EPHB2: variants seen among roughly 807,000 people sequenced by gnomAD.
EPHB2 encodes the protein EPH receptor B2.
EPHB2 carries 18 observed loss-of-function variants against 96.4 expected under a neutral mutation model. The ratio of observed to expected loss-of-function variants is 0.19; its 90% confidence interval spans 0.13 to 0.28. EPHB2 has a LOEUF of 0.28. EPHB2 is among the 10% of genes least tolerant of loss of function. EPHB2 has a pLI of 1.00. For missense variants in EPHB2, 989 were observed against 1,355.4 expected, an observed-to-expected ratio of 0.73 and a Z score of 4.25; for synonymous variants, 506 against 534.1, an observed-to-expected ratio of 0.95 and a Z score of 0.72.
chr1:22,716,028 C>T (rs918742606), intron 1 of EPHB2, among the ~76,000 whole-genome samples: 1 of 152,204 alleles, frequency 6.6e-6, no homozygotes, highest in African/African-American at 2.4e-5. Flanking sequence ...CCAGATCAGC[C>T]TTCAGTGTCT....
chr1:22,913,541 A>T lies in EPHB2; in HGVS notation c.2932A>T (p.Met978Leu), dbSNP rs1640178350. ...CAGTATCCAGGTGATGCGGGCGCAG[A>T]TGAACCAGATTCAGTCTGTGGAGGT... is the stretch of plus-strand genomic sequence containing the variant. ...LNSIQVMRAQMNQIQSVEV is the reference protein window; with the variant it reads ...LNSIQVMRAQLNQIQSVEV The change falls in exon 16 of 16, where the codon ATG (methionine) becomes TTG (leucine). Residue 978 changes from methionine (M) to leucine (L), a missense_variant. By Grantham distance (15) the Met-to-Leu change is conservative. Transcript: ENST00000374630. The surrounding 1 kb of genome is among the most constrained non-coding windows in gnomAD (Gnocchi z 4.1). The T allele has an allele frequency of 2.5e-6, 4 of 1,614,228 alleles. No homozygotes were observed. Among genetic ancestry groups the T allele is most frequent in the Non-Finnish European group, 3.4e-6 (4 of 1,180,044 alleles).
intron 3 of EPHB2, among the ~76,000 whole-genome samples, chr1:22,843,874 A>G (rs576679066): frequency 2.0e-5 from 3 of 152,288 alleles, no homozygotes; most frequent in African/African-American, 2.4e-5. Flanking sequence ...TGTGTATTCA[A>G]TGTTTAGCTT....
chr1:22,874,507 A>G (rs1638774969), intron 5 of EPHB2, among the ~76,000 whole-genome samples: 1 of 152,238 alleles, frequency 6.6e-6, no homozygotes, highest in South Asian at 2.1e-4. Flanking sequence ...GGGTAGGGCC[A>G]GGTAACCAGG....
chr1:22,750,700 T>C (rs541437884), intron 1 of EPHB2, among the ~76,000 whole-genome samples: 4 of 152,378 alleles, frequency 2.6e-5, no homozygotes, highest in South Asian at 2.1e-4. Flanking sequence ...GTTTTCATCA[T>C]GAATAGTTTA....
chr1:22,823,997 AAC>A (rs1645188512), intron 3 of EPHB2, among the ~76,000 whole-genome samples: 1 of 152,218 alleles, frequency 6.6e-6, no homozygotes, highest in Admixed American at 6.5e-5. Context: ...GGACAGGTAA[AAC>A]AGTGCCTAGG....
chr1:22,767,597 G>A (rs1045185533), intron 1 of EPHB2, among the ~76,000 whole-genome samples: 1 of 152,202 alleles, frequency 6.6e-6, no homozygotes, highest in Non-Finnish European at 1.5e-5. Context: ...CAGGTCGTAG[G>A]TGCTCAGTAA....
At chr1:22,749,187 A>C (rs1570204359) in intron 1 of EPHB2, among the ~76,000 whole-genome samples, 1 of 151,662 alleles carries the variant, frequency 6.6e-6, no homozygotes, top group Non-Finnish European at 1.5e-5. Flanking sequence ...CGCCTAGCTC[A>C]TTTTTGTATT....
chr1:22,795,163 C>T (rs78666033), intron 3 of EPHB2, among the ~76,000 whole-genome samples: 18,334 of 152,190 alleles, frequency 0.12, 1,221 homozygotes, highest in Admixed American at 0.15. Context: ...CAAGAGGAAC[C>T]GAGGCCCAGA....
intron 3 of EPHB2, among the ~76,000 whole-genome samples, chr1:22,847,568 G>A (rs1030645270): frequency 6.6e-6 from 1 of 152,210 alleles, no homozygotes; most frequent in Non-Finnish European, 1.5e-5. Context: ...GCCATCTGAG[G>A]CCAGGGCAGG....
At chr1:22,794,588 A>G (rs997526525) in intron 3 of EPHB2, among the ~76,000 whole-genome samples, 6 of 152,072 alleles carry the variant, frequency 3.9e-5, no homozygotes, top group African/African-American at 4.8e-5. Flanking sequence ...TGTGCCTTCC[A>G]CTTCTGATTT....
intron 3 of EPHB2, among the ~76,000 whole-genome samples, chr1:22,855,067 CA>C (rs1333849095): frequency 2.0e-5 from 3 of 152,208 alleles, no homozygotes; most frequent in African/African-American, 7.2e-5. Flanking sequence ...GCTGGAGTCC[CA>C]AGCTGGAAGA....
intron 3 of EPHB2, among the ~76,000 whole-genome samples, chr1:22,840,558 G>A (rs1645451232): frequency 6.6e-6 from 1 of 152,092 alleles, no homozygotes; most frequent in African/African-American, 2.4e-5. Context: ...CTTCCTGGGC[G>A]CAAGCGATTC....
intron 3 of EPHB2, among the ~76,000 whole-genome samples, chr1:22,829,817 G>A (rs2148484551): frequency 6.6e-6 from 1 of 152,264 alleles, no homozygotes; most frequent in South Asian, 2.1e-4. Context: ...GGATGGCAGG[G>A]GCATTCCAGG....
intron 1 of EPHB2, among the ~76,000 whole-genome samples, chr1:22,760,744 T>A (rs1644224103): frequency 6.6e-6 from 1 of 152,142 alleles, no homozygotes; most frequent in African/African-American, 2.4e-5. Flanking sequence ...ATTTCTCTCC[T>A]CTGCTCCAGG....
In EPHB2 at chr1:22,784,527, G is replaced by C. The variant is rs764400386; in HGVS notation, c.262G>C (p.Val88Leu). 1.2e-6 allele frequency: 2 copies of C among 1,613,754 alleles called. No individual in the cohort carries two copies. Among genetic ancestry groups the C allele is most frequent in the East Asian group, 4.5e-5 (2 of 44,888 alleles). The change falls in exon 3 of 16, where the codon GTG becomes CTG. Residue 88 changes from valine to leucine, a missense_variant. Coordinates refer to ENST00000374630, the MANE Select transcript of EPHB2 (RefSeq NM_017449.5). The surrounding 1 kb of genome is among the most constrained non-coding windows in gnomAD (Gnocchi z 5.1). ...GCGCCGTGGCGCCCACCGCATCCAC[G>C]TGGAGATGAAGTTTTCGGTGCGTGA... is the stretch of plus-strand genomic sequence containing the variant. ...IRRRGAHRIH[V>L]EMKFSVRDCS...
At chr1:22,878,475 T>C (rs758029204) in intron 5 of EPHB2, among the ~76,000 whole-genome samples, 12 of 152,224 alleles carry the variant, frequency 7.9e-5, no homozygotes, top group South Asian at 2.1e-4. Flanking sequence ...GTGAGGTTCC[T>C]CTCCGGAGCC....
chr1:22,856,505 C>T (rs1319185049), intron 3 of EPHB2, among the ~76,000 whole-genome samples: 3 of 152,176 alleles, frequency 2.0e-5, no homozygotes, highest in Non-Finnish European at 4.4e-5. Context: ...CAGCAAATCC[C>T]GTCCCCTCGG....
chr1:22,753,293 G>A (rs1297963093), intron 1 of EPHB2, among the ~76,000 whole-genome samples: 3 of 152,126 alleles, frequency 2.0e-5, no homozygotes, highest in Admixed American at 6.5e-5. Context: ...TAAAATGGGG[G>A]TCCCTTACCA....
chr1:22,713,579 G>C (rs912250579), intron 1 of EPHB2, among the ~76,000 whole-genome samples: 1 of 151,988 alleles, frequency 6.6e-6, no homozygotes, highest in African/African-American at 2.4e-5. Context: ...TGCACATTTG[G>C]GGGGCGGTGC....
Sources: allele counts gnomAD v4.1 joint callset (sites outside exome capture counted in the v4.1 genomes callset), GRCh38; gene constraint gnomAD v4.1.1; non-coding constraint Gnocchi (gnomAD v3.1); transcripts MANE v1.5; gene names NCBI Gene and HGNC (gene_info 2026-07-23, HGNC 2026-07-21).